Variants in RBFOX1 observed in about 807,000 individuals in gnomAD.
RBFOX1 encodes the protein RNA binding fox-1 homolog 1.
Under a neutral mutation model 57.7 loss-of-function variants are expected in RBFOX1, and 8 were observed. The ratio of observed to expected loss-of-function variants is 0.14; its 90% CI spans 0.08 to 0.25. The LOEUF (loss-of-function observed/expected upper bound fraction) is 0.25. RBFOX1 is among the 10% of genes least tolerant of loss of function. The pLI is 1.00. For synonymous variants in RBFOX1, 326 were observed against 222.4 expected (o/e 1.47, Z -4.15); for missense variants, 611 against 548.5 (o/e 1.11, Z -1.14).
chr16:5,620,523 G>T (rs1442569548), intron 3 of RBFOX1, among the ~76,000 whole-genome samples: 2 of 152,080 alleles, frequency 1.3e-5, no homozygotes, highest in South Asian at 4.1e-4. Context: ...GTGTCAGCGG[G>T]GTTGGTTTCT....
chr16:6,596,635 T>C (rs2097779232), intron 2 of RBFOX1, among the ~76,000 whole-genome samples: 1 of 152,202 alleles, frequency 6.6e-6, no homozygotes, highest in Admixed American at 6.5e-5. Context: ...AACTTGATTT[T>C]CAGTAGGCTT....
chr16:5,510,554 A>G (rs1438067004), intron 2 of RBFOX1, among the ~76,000 whole-genome samples: 1 of 152,100 alleles, frequency 6.6e-6, no homozygotes. Context: ...GGCAGGGAAG[A>G]GCACCCTTCC....
chr16:5,319,744 G>C (rs1174234549), intron 1 of RBFOX1, among the ~76,000 whole-genome samples: 1 of 152,180 alleles, frequency 6.6e-6, no homozygotes, highest in Non-Finnish European at 1.5e-5. Context: ...TTCCACAATA[G>C]AAGTTTGTTG....
intron 3 of RBFOX1, among the ~76,000 whole-genome samples, chr16:6,665,161 G>GGAGAAAAGGC (rs1178132378): frequency 1.3e-5 from 2 of 152,160 alleles, no homozygotes; most frequent in Non-Finnish European, 2.9e-5. Context: ...TCCCACCTGT[G>GGAGAAAAGGC]GAGAAAAGGC....
At chr16:7,209,326 A>T (rs751671049) in intron 4 of RBFOX1, among the ~76,000 whole-genome samples, 1 of 152,198 alleles carries the variant, frequency 6.6e-6, no homozygotes, top group African/African-American at 2.4e-5. Context: ...CAAGAGCGAA[A>T]CTCTGTTTCA....
At chr16:6,107,765 G>C (rs1476731953) in intron 1 of RBFOX1, among the ~76,000 whole-genome samples, 1 of 151,176 alleles carries the variant, frequency 6.6e-6, no homozygotes, top group Non-Finnish European at 1.5e-5. Flanking sequence ...GTTTGGATGG[G>C]TGGGTGGATG....
intron 4 of RBFOX1, among the ~76,000 whole-genome samples, chr16:7,170,249 C>T (rs1038307829): frequency 2.0e-5 from 3 of 152,066 alleles, no homozygotes; most frequent in Non-Finnish European, 2.9e-5. Context: ...AACAATTTAT[C>T]CTCCTGCTCC....
intron 2 of RBFOX1, among the ~76,000 whole-genome samples, chr16:5,484,762 A>G (rs929045192): frequency 1.3e-5 from 2 of 151,798 alleles, no homozygotes; most frequent in African/African-American, 2.4e-5. Context: ...AGTACAAAAA[A>G]TTAGCCAGGC....
At chr16:6,386,041 T>C (rs768423710) in intron 2 of RBFOX1, among the ~76,000 whole-genome samples, 16 of 151,792 alleles carry the variant, frequency 1.1e-4, no homozygotes, top group Non-Finnish European at 1.6e-4. Context: ...GTTCACACCA[T>C]TCTCCTGCCT....
At chr16:6,477,756 T>A (rs1436905039) in intron 2 of RBFOX1, among the ~76,000 whole-genome samples, 6 of 152,216 alleles carry the variant, frequency 3.9e-5, no homozygotes, top group African/African-American at 1.4e-4. Context: ...ACCATCTTCT[T>A]CCAAGAGAAG....
chr16:6,757,464 G>A (rs1286842435), intron 3 of RBFOX1, among the ~76,000 whole-genome samples: 2 of 152,140 alleles, frequency 1.3e-5, no homozygotes, highest in African/African-American at 2.4e-5. Flanking sequence ...ATTCAGCCCT[G>A]AAAAAGGATG....
chr16:7,469,580 T>G (rs769413911), intron 4 of RBFOX1, among the ~76,000 whole-genome samples: 9 of 152,174 alleles, frequency 5.9e-5, no homozygotes, highest in Non-Finnish European at 1.2e-4. Context: ...TTAGATTTAT[T>G]GAAAAGTTGT....
intron 3 of RBFOX1, among the ~76,000 whole-genome samples, chr16:5,832,482 C>T (rs542454690): frequency 4.6e-5 from 7 of 152,188 alleles, no homozygotes; most frequent in Non-Finnish European, 8.8e-5. Context: ...TGATAATAGT[C>T]CCAGCTCTTG....
chr16:7,546,154 C>G (rs1051372597), intron 5 of RBFOX1, among the ~76,000 whole-genome samples: 2 of 151,796 alleles, frequency 1.3e-5, no homozygotes, highest in East Asian at 1.9e-4. Context: ...TGGTGAAACC[C>G]TGTCTCTACT....
intron 4 of RBFOX1, among the ~76,000 whole-genome samples, chr16:7,430,941 A>G (rs12930372): frequency 0.36 from 54,321 of 152,044 alleles, 10,647 homozygotes; most frequent in East Asian, 0.43. Flanking sequence ...TTTGTTTGCT[A>G]GTTTCTTAGA....
chr16:5,909,249 C>T (rs765477666), intron 4 of RBFOX1, among the ~76,000 whole-genome samples: 20 of 151,864 alleles, frequency 1.3e-4, no homozygotes, highest in Admixed American at 3.3e-4. Flanking sequence ...CCCACCACCA[C>T]GCCTGGGTAA....
intron 3 of RBFOX1, among the ~76,000 whole-genome samples, chr16:6,852,960 T>A (rs751658491): frequency 6.6e-6 from 1 of 152,144 alleles, no homozygotes; most frequent in Non-Finnish European, 1.5e-5. Flanking sequence ...GTTGATGACA[T>A]CAAGAGACCA....
intron 3 of RBFOX1, among the ~76,000 whole-genome samples, chr16:6,832,787 T>G (rs12922232): frequency 0.52 from 78,914 of 151,896 alleles, 22,044 homozygotes; most frequent in East Asian, 0.79. Flanking sequence ...CTTGTGCTCC[T>G]AGGTGAGCAG....
chr16:6,997,476 ATGTT>A (rs2092364860), intron 3 of RBFOX1, among the ~76,000 whole-genome samples: 2 of 152,176 alleles, frequency 1.3e-5, no homozygotes, highest in African/African-American at 2.4e-5. Flanking sequence ...CTTTAAGTTA[ATGTT>A]AACAATTTTA....
Sources: gnomAD v4.1 joint callset for allele counts (sites outside exome capture counted in the v4.1 genomes callset) on GRCh38, gnomAD v4.1.1 for gene constraint, MANE v1.5 for transcripts, NCBI Gene and HGNC (gene_info 2026-07-23, HGNC 2026-07-21) for gene names.